The following ARL10 variants were observed in gnomAD, a reference collection of about 807,000 sequenced individuals.
The protein encoded by ARL10 is ARF like GTPase 10, also known as ADP-ribosylation factor-like protein 10.
Under a neutral mutation model 26.1 loss-of-function variants are expected in ARL10, and 23 were observed. The observed-to-expected ratio is 0.88, with a 90% CI of 0.63 to 1.25. The LOEUF is 1.25. Ranked by LOEUF, ARL10 falls within the 50% of genes most tolerant of loss-of-function variation. ARL10 has a pLI of 0.00. For synonymous variants in ARL10, 138 were observed against 149.1 expected, an observed-to-expected ratio of 0.93 and a Z score of 0.54; for missense variants, 300 against 323.6, an observed-to-expected ratio of 0.93 and a Z score of 0.56.
chr5:176,413,639 A>G, the ARL10 span, among the ~76,000 whole-genome samples: 22 of 152,238 alleles, frequency 1.4e-4, no homozygotes, highest in African/African-American at 5.1e-4. Context: ...CTGCTAAGCC[A>G]GCTTTTGCCC....
chr5:176,382,688 G>A (rs767316565), downstream of ARL10, among the ~76,000 whole-genome samples: 7 of 152,188 alleles, frequency 4.6e-5, no homozygotes, highest in Non-Finnish European at 1.0e-4. Flanking sequence ...CCGGGAGGTT[G>A]AGGCTGCTTC....
In ARL10 at chr5:176,373,105, G is replaced by A. The variant is rs1768595042; in HGVS notation, c.*1210G>A. On this transcript the variant is annotated 3_prime_UTR_variant, in exon 4 of 4. Coordinates refer to ENST00000310389, the MANE Select transcript of ARL10 (RefSeq NM_173664.6). ...CTGGGTAGATAAGAAATGACTCTGG[G>A]AGAGGATTTCCCTTATGTGAATCTA... 2.5e-6 allele frequency: 1 copy of A among 398,456 alleles called. No individual in the cohort carries two copies. The highest frequency in any genetic ancestry group is 2.1e-5 in the African/African-American group (1 of 48,612). 24.7% of individuals were successfully genotyped at this position (398,456 alleles called of 1,614,324 possible).
Position 176,395,983 on chromosome 5 carries a change from A to C in ARL10, c.134-5758A>C, listed in dbSNP as rs147880080. 3.3e-5 allele frequency among the ~76,000 whole-genome samples: 5 copies of C among 152,082 alleles called. 1 individual carries two copies. The East Asian group carries it at 9.7e-4, about 29-fold the overall frequency. Reference sequence around the variant, plus strand: ...AACCCCGTCTCTACTAAAAATACAAAAGTTAGCCGGGCACGGTTGCATGTG... The same window carrying C: ...AACCCCGTCTCTACTAAAAATACAACAGTTAGCCGGGCACGGTTGCATGTG... On this transcript the variant is annotated intron_variant, in intron 1 of 1. Transcript: ENST00000514533.
chr5:176,367,002 C>CTTT lies in ARL10; in HGVS notation c.385+442_385+444dup, dbSNP rs67066126. The stretch of plus-strand genomic sequence containing the variant: ...ATCCAAGGTCACCCACCTTTCTAGT[C>CTTT]TTTTTTTTTTTTTTTTTTTTTTTGA... On this transcript the variant is annotated intron_variant, in intron 2 of 3. Coordinates refer to ENST00000310389, the MANE Select transcript of ARL10 (RefSeq NM_173664.6). Among the ~76,000 whole-genome samples, 213 of 106,518 alleles carry CTTT rather than the reference C, an allele frequency of 2.0e-3. 2 individuals carry two copies. Among genetic ancestry groups the CTTT allele is most frequent in the Middle Eastern group, 6.3e-3 (1 of 158 alleles). 69.9% of individuals were successfully genotyped at this position (106,518 alleles called of 152,430 possible). A position where few individuals can be genotyped will look rare whatever the true frequency, so the allele number is the denominator to read the frequency against.
rs907335689 is a variant in ARL10, at chr5:176,366,449, C to G, written c.253C>G (p.Leu85Val). ...LEQREVLVLG[L>V]DGAGKSTFLR... Reference sequence around the variant, plus strand: ...ACAGCGCGAGGTGCTGGTGCTGGGGCTGGATGGCGCAGGCAAGAGCACGTT... The same window carrying G: ...ACAGCGCGAGGTGCTGGTGCTGGGGGTGGATGGCGCAGGCAAGAGCACGTT... Residue 85 changes from leucine (L) to valine (V), a missense_variant, in exon 2 of 4, where the codon CTG becomes GTG. Coordinates refer to ENST00000310389, the MANE Select transcript of ARL10 (RefSeq NM_173664.6). The G allele has an allele frequency of 3.7e-6, 6 of 1,613,516 alleles. No homozygotes were observed. The Admixed American group carries it at 5.0e-5, about 13-fold the overall frequency.
chr5:176,411,302 C>G, the ARL10 span, among the ~76,000 whole-genome samples: 1 of 152,210 alleles, frequency 6.6e-6, no homozygotes, highest in African/African-American at 2.4e-5. Flanking sequence ...AAAACATGCA[C>G]TTACCTGTGC....
At chr5:176,388,581 G>A (rs747199026) in exon 2 of ARL10, 18 of 1,554,786 alleles carry the variant, frequency 1.2e-5, no homozygotes, top group Non-Finnish European at 1.6e-5. Flanking sequence ...CGCTGCCTCT[G>A]TCTCTCAGAC....
At chr5:176,389,388 A>G, downstream of ARL10, 1 of 1,614,126 alleles carries the variant, frequency 6.2e-7, no homozygotes, top group Non-Finnish European at 8.5e-7. Flanking sequence ...CACCGGGGCA[A>G]CAGCCAGCGC....
At chr5:176,396,118 A>G (rs1481816721) in intron 1 of ARL10, among the ~76,000 whole-genome samples, 1 of 152,208 alleles carries the variant, frequency 6.6e-6, no homozygotes, top group African/African-American at 2.4e-5. Context: ...CTGAGCAGCA[A>G]GAGCGAAACT....
At chr5:176,409,039 T>C in the ARL10 span, among the ~76,000 whole-genome samples, 3 of 152,032 alleles carry the variant, frequency 2.0e-5, no homozygotes, top group Non-Finnish European at 4.4e-5. Flanking sequence ...TGCAGTGGCG[T>C]GATCTCGGCT....
At chr5:176,395,503 G>A (rs936331338) in intron 1 of ARL10, among the ~76,000 whole-genome samples, 1 of 152,196 alleles carries the variant, frequency 6.6e-6, no homozygotes, top group Non-Finnish European at 1.5e-5. Context: ...GCTTAGCCTC[G>A]ACACATGACG....
At chr5:176,371,195 C>T (rs1292853918) in intron 3 of ARL10, among the ~76,000 whole-genome samples, 15 of 152,090 alleles carry the variant, frequency 9.9e-5, no homozygotes, top group South Asian at 2.1e-4. Context: ...GCCAGCACGG[C>T]GAAACCCCGT....
the ARL10 span, among the ~76,000 whole-genome samples, chr5:176,408,443 G>GGA: frequency 6.6e-6 from 1 of 151,888 alleles, no homozygotes; most frequent in Non-Finnish European, 1.5e-5. Flanking sequence ...GGCTGAGGCA[G>GGA]GAGAATCACT....
rs766973047 is a variant in ARL10 at position 176,366,346 on chromosome 5, C to A, written c.184-34C>A. On this transcript the variant is annotated intron_variant, in intron 1 of 3. Transcript: ENST00000310389. ...CCTCGGGAAAGGTCCTTCGGGAGGC[C>A]GCCAGCCGCAACCTTACCTCCGCTT... is the stretch of plus-strand genomic sequence containing the variant. 1.9e-6 allele frequency: 3 copies of A among 1,573,332 alleles called. No homozygotes were observed. In the Admixed American group the frequency reaches 5.4e-5, roughly 28 times the overall value.
chr5:176,398,030 A>G (rs377220788), intron 1 of ARL10: 84 of 1,613,966 alleles, frequency 5.2e-5, no homozygotes, highest in Non-Finnish European at 3.4e-5. Context: ...CGTAGCCATC[A>G]GCAGGACCGT....
rs1040391028 is a variant in ARL10, at chr5:176,381,618, C to T, written c.*9723C>T. ...GCCTTCTTTGGACATGTTTTGGCAG[C>T]CTTCAGCCTATGGTTGGCTGAGATC... On this transcript the variant is annotated 3_prime_UTR_variant, in exon 4 of 4. Transcript: ENST00000310389. 1.3e-5 allele frequency: 2 copies of T among 152,158 alleles called. No homozygotes were observed. Among genetic ancestry groups the T allele is most frequent in the African/African-American group, 4.8e-5 (2 of 41,434 alleles). The allele number at this position is 152,158 out of a possible 1,614,324, so 9.4% of individuals were successfully genotyped here. A position where few individuals can be genotyped will look rare whatever the true frequency, so the allele number is the denominator to read the frequency against.
At chr5:176,383,001 C>T (rs1165630665), downstream of ARL10, among the ~76,000 whole-genome samples, 1 of 152,140 alleles carries the variant, frequency 6.6e-6, no homozygotes, top group African/African-American at 2.4e-5. Flanking sequence ...CGGCTGGCTC[C>T]AGTAAGGGGG....
the ARL10 span, among the ~76,000 whole-genome samples, chr5:176,408,516 A>G: frequency 6.6e-6 from 1 of 151,994 alleles, no homozygotes; most frequent in Admixed American, 6.5e-5. Flanking sequence ...AGCCTGGGCA[A>G]TAAGAGCAAA....
At position 176,377,481 on chromosome 5, in the gene ARL10, C is replaced by T. The variant is rs535629043; in HGVS notation, c.*5586C>T. The T allele has an allele frequency of 6.6e-6, 1 of 152,222 alleles. No individual in the cohort carries two copies. Among genetic ancestry groups the T allele is most frequent in the African/African-American group, 2.4e-5 (1 of 41,458 alleles). The allele number at this position is 152,222 out of a possible 1,614,324, so 9.4% of individuals were successfully genotyped here. A position where few individuals can be genotyped will look rare whatever the true frequency, so the allele number is the denominator to read the frequency against. Reference sequence around the variant, plus strand: ...CTGCCATAGCATCAGCTCTCCTACACAGGAAAGCTTCTATCCAACCAGAAA... The same window carrying T: ...CTGCCATAGCATCAGCTCTCCTACATAGGAAAGCTTCTATCCAACCAGAAA... On this transcript the variant is annotated 3_prime_UTR_variant, in exon 4 of 4. Transcript: ENST00000310389. The surrounding 1 kb of genome is among the most constrained non-coding windows in gnomAD (Gnocchi z 4.5).
Sources: allele counts gnomAD v4.1 joint callset (sites outside exome capture counted in the v4.1 genomes callset), GRCh38; gene constraint gnomAD v4.1.1; non-coding constraint Gnocchi (gnomAD v3.1); transcripts MANE v1.5; gene names NCBI Gene and HGNC (gene_info 2026-07-23, HGNC 2026-07-21).